Variants in ARID4A observed in about 807,000 individuals in gnomAD.
The protein encoded by ARID4A is AT-rich interactive domain-containing protein 4A.
ARID4A carries 39 observed loss-of-function variants against 148.6 expected under a neutral mutation model. That is an observed-to-expected ratio of 0.26 (90% CI 0.20 to 0.34). The LOEUF is 0.34. ARID4A is among the 10% of genes least tolerant of loss of function. The pLI is 1.00. For missense variants in ARID4A, 1,265 were observed against 1,449.1 expected (o/e 0.87, Z 2.06); for synonymous variants, 475 against 481.2 (o/e 0.99, Z 0.17).
chr14:58,351,259 A>G lies in ARID4A; in HGVS notation c.1591A>G (p.Lys531Glu), dbSNP rs1470434948. The change falls in exon 16 of 24, where the codon AAA becomes GAA. Residue 531 changes from lysine (K) to glutamate (E), a missense_variant. By Grantham distance (56) the Lys-to-Glu change is moderately conservative. This residue lies in a region of ARID4A where 205 missense variants were observed against 196.9 expected (regional missense o/e 1.04). Coordinates refer to ENST00000355431, the MANE Select transcript of ARID4A (RefSeq NM_002892.4). The stretch of plus-strand genomic sequence containing the variant: ...AAATACACCAAAGCAAAAAGAGAAG[A>G]AAATTAAAAAACAGGAGGATTCTGA... ...RKNTPKQKEK[K>E]IKKQEDSDKD... 1 of 1,611,338 alleles carries G rather than the reference A, an allele frequency of 6.2e-7. No individual in the cohort carries two copies.
intron 9 of ARID4A, among the ~76,000 whole-genome samples, chr14:58,328,971 G>A (rs182421035): frequency 7.0e-6 from 1 of 142,794 alleles, no homozygotes; most frequent in African/African-American, 2.7e-5. Context: ...CCAGCCTGAC[G>A]ACAGAGTGAG....
At chr14:58,365,684 G>A in intron 21 of ARID4A, 62 bp downstream of exon 21, 1 of 1,386,868 alleles carries the variant, frequency 7.2e-7, no homozygotes, top group Non-Finnish European at 1.0e-6. Context: ...TTGTTGGCTT[G>A]TTTTAAACAT....
At chr14:58,309,249 G>A (rs1006089830) in intron 5 of ARID4A, among the ~76,000 whole-genome samples, 1 of 152,158 alleles carries the variant, frequency 6.6e-6, no homozygotes, top group Non-Finnish European at 1.5e-5. Flanking sequence ...CCAAAGTGTT[G>A]GGATTACAGG....
chr14:58,329,893 A>C, intron 10 of ARID4A, 110 bp from the exon 11 acceptor site: 1 of 1,499,750 alleles, frequency 6.7e-7, no homozygotes, highest in Non-Finnish European at 8.9e-7. Flanking sequence ...ATCATTTTAT[A>C]AATGACAGCC....
chr14:58,353,055 T>C (rs1023533885), intron 16 of ARID4A, among the ~76,000 whole-genome samples: 12 of 152,108 alleles, frequency 7.9e-5, no homozygotes, highest in Admixed American at 2.6e-4. Flanking sequence ...AAAATATAAA[T>C]TAGTTTAAAA....
Position 58,347,822 on chromosome 14 carries a change from A to G in ARID4A, c.1348A>G (p.Asn450Asp). Reference protein sequence around the residue: ...LTEVKSEPEENIDSNSESERE... With the variant: ...LTEVKSEPEEDIDSNSESERE... ...AGAAGTGAAGAGTGAACCTGAGGAA[A>G]ATATCGATTCAAACAGTGAAAGTGA... Residue 450 changes from asparagine to aspartate, a missense_variant, in exon 15 of 24, where the codon AAT (asparagine) becomes GAT (aspartate). Transcript: ENST00000355431. 1.2e-6 allele frequency: 2 copies of G among 1,613,838 alleles called. No individual in the cohort carries two copies. The highest frequency in any genetic ancestry group is 1.1e-5 in the South Asian group (1 of 91,074).
chr14:58,343,189 G>C (rs781019019), intron 11 of ARID4A, among the ~76,000 whole-genome samples: 43 of 152,178 alleles, frequency 2.8e-4, no homozygotes, highest in Non-Finnish European at 5.6e-4. Flanking sequence ...TGAGCATTAA[G>C]TAATGACCTT....
intron 5 of ARID4A, among the ~76,000 whole-genome samples, chr14:58,315,180 A>G (rs2032325351): frequency 6.6e-6 from 1 of 152,152 alleles, no homozygotes; most frequent in African/African-American, 2.4e-5. Flanking sequence ...GAGGGTTCCT[A>G]TATAAAACTG....
chr14:58,365,672 G>A, intron 21 of ARID4A, 50 bp downstream of exon 21: 1 of 1,496,304 alleles, frequency 6.7e-7, no homozygotes, highest in East Asian at 2.3e-5. Context: ...ATTTTTAGCA[G>A]TTTGTTGGCT....
chr14:58,327,288 G>A (rs576357605), intron 8 of ARID4A, among the ~76,000 whole-genome samples: 4 of 152,188 alleles, frequency 2.6e-5, no homozygotes, highest in Non-Finnish European at 5.9e-5. Flanking sequence ...GTGCTGGAAT[G>A]TAGCAGAGAG....
chr14:58,370,917 A>G (rs1270449846), intron 23 of ARID4A, among the ~76,000 whole-genome samples: 8 of 152,238 alleles, frequency 5.3e-5, no homozygotes, highest in East Asian at 1.9e-4. Context: ...AGCTTATTAT[A>G]GTCTTTTCCC....
intron 8 of ARID4A, 105 bp from the exon 9 acceptor site, chr14:58,328,132 A>G (rs576095119): frequency 2.6e-6 from 2 of 770,084 alleles, no homozygotes; most frequent in East Asian, 2.6e-5. Flanking sequence ...TTTGTAAAAT[A>G]TAATCTATTT....
At chr14:58,332,498 A>T (rs563379852) in intron 11 of ARID4A, among the ~76,000 whole-genome samples, 177 of 152,272 alleles carry the variant, frequency 1.2e-3, no homozygotes, top group Non-Finnish European at 1.9e-3. Flanking sequence ...TTTAGAAAAA[A>T]ATCAGCTGCA....
chr14:58,339,634 A>G (rs935375497), intron 11 of ARID4A, among the ~76,000 whole-genome samples: 1 of 152,022 alleles, frequency 6.6e-6, no homozygotes, highest in African/African-American at 2.4e-5. Context: ...CAAAAATAAG[A>G]TATCTTATTT....
chr14:58,353,804 T>C lies in ARID4A; in HGVS notation c.1802T>C (p.Ile601Thr). ...GAAGCCAGTATTAAAAGCACTGAAATTGATGACGGAGAAGTTTTATATTTG... is the reference window on the plus strand; with the variant it reads ...GAAGCCAGTATTAAAAGCACTGAAACTGATGACGGAGAAGTTTTATATTTG... ...IYEASIKSTE[I>T]DDGEVLYLVH... The change falls in exon 17 of 24, where the codon ATT becomes ACT. Residue 601 changes from isoleucine (I) to threonine (T), a missense_variant. This residue lies in a region of ARID4A where 30 missense variants were observed against 65.7 expected (regional missense o/e 0.46). Transcript: ENST00000355431. The C allele has an allele frequency of 6.2e-7, 1 of 1,613,918 alleles. No individual in the cohort carries two copies. Among genetic ancestry groups the C allele is most frequent in the Non-Finnish European group, 8.5e-7 (1 of 1,179,954 alleles).
intron 11 of ARID4A, among the ~76,000 whole-genome samples, chr14:58,338,593 T>TTG (rs1438953438): frequency 6.6e-6 from 1 of 151,740 alleles, no homozygotes; most frequent in Non-Finnish European, 1.5e-5. Context: ...GATGGAGGGG[T>TTG]TGTAAGAGCT....
At chr14:58,352,319 G>T (rs1361463612) in intron 16 of ARID4A, among the ~76,000 whole-genome samples, 1 of 152,094 alleles carries the variant, frequency 6.6e-6, no homozygotes, top group Admixed American at 6.5e-5. Flanking sequence ...AAAAAGTTCT[G>T]TAATGAAATA....
At chr14:58,299,943 T>G in intron 2 of ARID4A, 83 bp downstream of exon 2, 3 of 1,589,268 alleles carry the variant, frequency 1.9e-6, no homozygotes, top group South Asian at 1.1e-5. Context: ...GTCATTTGTT[T>G]TGCTACTCAA....
chr14:58,307,586 G>A (rs1393226829), intron 5 of ARID4A, among the ~76,000 whole-genome samples: 2 of 152,164 alleles, frequency 1.3e-5, no homozygotes, highest in Non-Finnish European at 2.9e-5. Flanking sequence ...TTAGGGGGGC[G>A]AGGTGGGCGG....
Sources: gnomAD v4.1 joint callset for allele counts (sites outside exome capture counted in the v4.1 genomes callset) on GRCh38, gnomAD v4.1.1 for gene constraint, gnomAD v4.1.1 regional missense constraint, MANE v1.5 for transcripts, NCBI Gene and HGNC (gene_info 2026-07-23, HGNC 2026-07-21) for gene names.